Variants in SLC26A5 observed in about 807,000 individuals in gnomAD.
SLC26A5 encodes the protein prestin.
In SLC26A5, 51 loss-of-function variants were observed where a neutral mutation model predicts 81.0. The observed-to-expected ratio is 0.63, with a 90% CI of 0.50 to 0.80. The LOEUF (loss-of-function observed/expected upper bound fraction) is 0.80, where lower values mean the gene tolerates loss of function less well. SLC26A5 is among the 30% of genes least tolerant of loss of function. The probability of loss-of-function intolerance (pLI) is 0.00; values close to 1 mark genes in which losing one functional copy is unlikely to be tolerated. For missense variants in SLC26A5, 771 were observed against 905.8 expected (o/e 0.85, Z 1.91); for synonymous variants, 325 against 332.8 (o/e 0.98, Z 0.25).
intron 14 of SLC26A5, among the ~76,000 whole-genome samples, chr7:103,388,197 T>C (rs1327067314): frequency 1.4e-5 from 2 of 147,400 alleles, no homozygotes; most frequent in Non-Finnish European, 3.0e-5. Context: ...CATAAAGTTT[T>C]TTTTTTTTTT....
intron 19 of SLC26A5, chr7:103,364,088 G>GAAGTATACTGTATAACAAAAATACT: frequency 6.5e-7 from 1 of 1,534,210 alleles, no homozygotes; most frequent in Non-Finnish European, 8.9e-7. Flanking sequence ...TTTAGAAGTA[G>GAAGTATACTGTATAACAAAAATACT]TCTGATTTTT....
intron 7 of SLC26A5, among the ~76,000 whole-genome samples, chr7:103,410,138 A>C (rs912505209): frequency 6.6e-6 from 1 of 152,224 alleles, no homozygotes; most frequent in Non-Finnish European, 1.5e-5. Context: ...GCAGTCACCA[A>C]ATAAAGACCT....
chr7:103,419,758 G>C (rs986464720), intron 4 of SLC26A5, among the ~76,000 whole-genome samples: 10 of 151,746 alleles, frequency 6.6e-5, no homozygotes, highest in African/African-American at 2.4e-4. Context: ...GGCTGATCTC[G>C]AACTCCTGAC....
intron 7 of SLC26A5, 51 bp from the exon 8 acceptor site, chr7:103,408,054 G>C: frequency 6.2e-7 from 1 of 1,609,762 alleles, no homozygotes; most frequent in Non-Finnish European, 8.5e-7. Flanking sequence ...GCCCCTGAGA[G>C]AGACAGAGAC....
At chr7:103,390,099 T>A (rs148532450) in intron 12 of SLC26A5, among the ~76,000 whole-genome samples, 9 of 152,334 alleles carry the variant, frequency 5.9e-5, no homozygotes, top group Non-Finnish European at 1.3e-4. Context: ...AAATGTCTTA[T>A]GAATGTAGAC....
intron 19 of SLC26A5, chr7:103,363,587 T>C (rs972751156): frequency 2.8e-5 from 20 of 702,110 alleles, no homozygotes; most frequent in Non-Finnish European, 4.8e-5. Context: ...GTGTGGAGAG[T>C]TGGTAAGTTC....
downstream of SLC26A5, among the ~76,000 whole-genome samples, chr7:103,371,485 C>G (rs548264724): frequency 6.6e-6 from 1 of 150,636 alleles, no homozygotes; most frequent in South Asian, 2.1e-4. Flanking sequence ...CCACTACGCC[C>G]GGCTAATTTT....
chr7:103,436,896 G>A (rs1213407693), intron 2 of SLC26A5, among the ~76,000 whole-genome samples: 2 of 152,178 alleles, frequency 1.3e-5, no homozygotes, highest in Non-Finnish European at 2.9e-5. Context: ...TGATTTTCTG[G>A]ATATGGCTCC....
chr7:103,415,905 A>T (rs1462561120), intron 4 of SLC26A5, among the ~76,000 whole-genome samples: 2 of 152,098 alleles, frequency 1.3e-5, no homozygotes, highest in Non-Finnish European at 2.9e-5. Context: ...TCTTTCTGGA[A>T]GTCCTATTAG....
At chr7:103,354,739 C>A in intron 19 of SLC26A5, 3 of 600,986 alleles carry the variant, frequency 5.0e-6, no homozygotes, top group Non-Finnish European at 5.9e-6. Context: ...GTCAGGAATA[C>A]CTCTCTACTT....
At chr7:103,381,401 CACAA>C (rs1821776274) in intron 14 of SLC26A5, among the ~76,000 whole-genome samples, 2 of 151,554 alleles carry the variant, frequency 1.3e-5, no homozygotes, top group Non-Finnish European at 2.9e-5. Context: ...ACACACTACA[CACAA>C]ACACAAACAA....
chr7:103,394,052 T>C (rs1354262129), intron 9 of SLC26A5, among the ~76,000 whole-genome samples: 3 of 152,206 alleles, frequency 2.0e-5, no homozygotes, highest in African/African-American at 4.8e-5. Flanking sequence ...TTCAGCAACT[T>C]GTCCAAGGAC....
At chr7:103,398,266 G>A (rs117909387) in intron 8 of SLC26A5, among the ~76,000 whole-genome samples, 3,026 of 152,228 alleles carry the variant, frequency 0.02, 42 homozygotes, top group Non-Finnish European at 0.031. Context: ...ATACTAAGGC[G>A]TCTGGCTAGT....
intron 6 of SLC26A5, 111 bp from the exon 7 acceptor site, chr7:103,410,660 A>G: frequency 9.7e-7 from 1 of 1,032,748 alleles, no homozygotes; most frequent in Non-Finnish European, 1.4e-6. Context: ...TTTTTTTGAG[A>G]TGGAGTCTTG....
At chr7:103,411,614 G>A in intron 5 of SLC26A5, 28 bp from the exon 6 acceptor site, 2 of 1,613,350 alleles carry the variant, frequency 1.2e-6, no homozygotes, top group Admixed American at 1.7e-5. Flanking sequence ...GAAGATCCCT[G>A]TTCAGGGTTC....
At chr7:103,358,536 TTTTC>T (rs1197506178) in intron 19 of SLC26A5, among the ~76,000 whole-genome samples, 3 of 152,092 alleles carry the variant, frequency 2.0e-5, no homozygotes, top group Non-Finnish European at 2.9e-5. Context: ...TTCTATGAGC[TTTTC>T]TTTATCTTTG....
intron 19 of SLC26A5, chr7:103,368,666 G>A (rs1180665415): frequency 1.3e-5 from 2 of 152,016 alleles, no homozygotes; most frequent in African/African-American, 4.8e-5. Flanking sequence ...AATTAATCAG[G>A]AAGAATTAGT....
intron 4 of SLC26A5, 61 bp from the exon 5 acceptor site, chr7:103,413,173 G>T: frequency 8.7e-7 from 1 of 1,146,580 alleles, no homozygotes. Context: ...TGTTACATGT[G>T]TTTTTCTCTT....
chr7:103,426,221 C>T (rs1175007897), intron 2 of SLC26A5, among the ~76,000 whole-genome samples: 1 of 152,178 alleles, frequency 6.6e-6, no homozygotes, highest in Non-Finnish European at 1.5e-5. Context: ...ATCCACTATA[C>T]TTCAGGCAAA....
Sources: allele counts gnomAD v4.1 joint callset (sites outside exome capture counted in the v4.1 genomes callset), GRCh38; gene constraint gnomAD v4.1.1; transcripts MANE v1.5; gene names NCBI Gene and HGNC (gene_info 2026-07-23, HGNC 2026-07-21).